The following FAM78B variants were observed in gnomAD, a reference collection of about 807,000 sequenced individuals.
FAM78B encodes protein FAM78B.
In FAM78B, 10 loss-of-function variants were observed where a neutral mutation model predicts 20.0. The ratio of observed to expected loss-of-function variants is 0.50; its 90% confidence interval spans 0.31 to 0.85. The LOEUF is 0.85. FAM78B is among the 40% of genes least tolerant of loss of function. FAM78B has a pLI of 0.05. For synonymous variants in FAM78B, 135 were observed against 132.8 expected (o/e 1.02, Z -0.12); for missense variants, 283 against 345.0 (o/e 0.82, Z 1.42).
chr1:166,139,482 G>A (rs546510415), intron 1 of FAM78B, among the ~76,000 whole-genome samples: 11 of 152,260 alleles, frequency 7.2e-5, no homozygotes, highest in Middle Eastern at 3.4e-3. Flanking sequence ...GGAGACACCC[G>A]AGACAATAAT....
At chr1:166,105,362 A>C (rs1653727463) in intron 1 of FAM78B, among the ~76,000 whole-genome samples, 1 of 152,012 alleles carries the variant, frequency 6.6e-6, no homozygotes, top group Non-Finnish European at 1.5e-5. Context: ...AATGGGATCT[A>C]ATTAAACTAA....
At chr1:166,058,242 G>A (rs1651427310) in exon 3 of FAM78B, 1 of 152,178 alleles carries the variant, frequency 6.6e-6, no homozygotes, top group African/African-American at 2.4e-5. Context: ...TGTCACCTGG[G>A]AAGGGTAACA....
intron 2 of FAM78B, among the ~76,000 whole-genome samples, chr1:166,061,429 G>T (rs1010248238): frequency 6.6e-6 from 1 of 151,926 alleles, no homozygotes; most frequent in African/African-American, 2.4e-5. Context: ...CAAATTTTAT[G>T]ATTATAAATT....
At chr1:166,153,732 G>C (rs1295712233) in intron 1 of FAM78B, among the ~76,000 whole-genome samples, 1 of 152,154 alleles carries the variant, frequency 6.6e-6, no homozygotes, top group Non-Finnish European at 1.5e-5. Flanking sequence ...CCTCATGACA[G>C]GAAGTGTGGA....
chr1:166,109,878 A>ATATG lies in FAM78B; in HGVS notation c.264-39119_264-39116dup, dbSNP rs1168083232. Among the ~76,000 whole-genome samples the ATATG allele has an allele frequency of 3.6e-4, 6 of 16,474 alleles. 1 individual carries two copies. The highest frequency in any genetic ancestry group is 1.3e-3 in the Admixed American group (2 of 1,588). 10.8% of individuals were successfully genotyped at this position (16,474 alleles called of 152,430 possible). ...TATATATATGTATGTGTATATATATATATGTATATATGTATATATATATAT... is the reference window on the plus strand; with the variant it reads ...TATATATATGTATGTGTATATATATATATGTATGTATATATGTATATATATATAT... On this transcript the variant is annotated intron_variant, in intron 1 of 1. Transcript: ENST00000354422.
chr1:166,122,164 G>A lies in FAM78B; in HGVS notation c.263+43822C>T, dbSNP rs527545383. On this transcript the variant is annotated intron_variant, in intron 1 of 1. Coordinates refer to ENST00000354422, the MANE Select transcript of FAM78B (RefSeq NM_001017961.5). Reference sequence around the variant, plus strand: ...TTTTTCCTTGCCTTAGCCAGGATAAGGAATGAAATCATCCCTAGGGGAGGA... The same window carrying A: ...TTTTTCCTTGCCTTAGCCAGGATAAAGAATGAAATCATCCCTAGGGGAGGA... 2.4e-4 allele frequency among the ~76,000 whole-genome samples: 37 copies of A among 152,312 alleles called. No individual in the cohort carries two copies. The South Asian group carries it at 2.7e-3, about 11-fold the overall frequency.
chr1:166,156,962 C>A (rs1237490614), intron 1 of FAM78B, among the ~76,000 whole-genome samples: 4 of 138,052 alleles, frequency 2.9e-5, no homozygotes, highest in East Asian at 4.2e-4. Context: ...GTCCTGGAGG[C>A]TTCCCAAAGT....
At chr1:166,068,765 T>A (rs1282053763), downstream of FAM78B, among the ~76,000 whole-genome samples, 1 of 152,116 alleles carries the variant, frequency 6.6e-6, no homozygotes, top group Non-Finnish European at 1.5e-5. Context: ...TTAGTTTGCA[T>A]GGAAGGGGGT....
chr1:166,082,222 T>A (rs1652611556), intron 1 of FAM78B, among the ~76,000 whole-genome samples: 1 of 152,160 alleles, frequency 6.6e-6, no homozygotes, highest in Non-Finnish European at 1.5e-5. Context: ...CCTCACCCCC[T>A]CCCTTCTGGC....
chr1:166,106,543 G>T (rs1267052726), intron 1 of FAM78B, among the ~76,000 whole-genome samples: 1 of 152,124 alleles, frequency 6.6e-6, no homozygotes, highest in African/African-American at 2.4e-5. Context: ...GATGCAGCTG[G>T]AGGTCATTGT....
At chr1:166,160,874 G>A (rs1258325256) in intron 1 of FAM78B, among the ~76,000 whole-genome samples, 3 of 152,208 alleles carry the variant, frequency 2.0e-5, no homozygotes, top group Non-Finnish European at 4.4e-5. Context: ...TATATTCTTA[G>A]TAATGGTAAC....
chr1:166,128,013 T>C (rs529265552), intron 1 of FAM78B, among the ~76,000 whole-genome samples: 5 of 152,264 alleles, frequency 3.3e-5, no homozygotes. Context: ...ACCTATGAAA[T>C]TGGCCTCAGT....
intron 1 of FAM78B, among the ~76,000 whole-genome samples, chr1:166,097,707 C>A (rs1380652058): frequency 2.6e-5 from 4 of 152,164 alleles, no homozygotes; most frequent in Admixed American, 1.3e-4. Flanking sequence ...TACCCCCATC[C>A]CCACAGCAGC....
intron 1 of FAM78B, chr1:166,082,582 TG>T (rs1241857367): frequency 6.6e-6 from 1 of 152,286 alleles, no homozygotes; most frequent in Non-Finnish European, 1.5e-5. Context: ...TTCAGTGTGC[TG>T]ATTTGCTTGT....
rs1360142174 is a variant in FAM78B, at chr1:166,166,135, C to T, written c.114G>A (p.Ser38=). 6.2e-7 allele frequency: 1 copy of T among 1,609,338 alleles called. No homozygotes were observed. The highest frequency in any genetic ancestry group is 8.5e-7 in the Non-Finnish European group (1 of 1,177,790). The change falls in exon 1 of 2, where the codon TCG becomes TCA. Residue 38 remains serine, a synonymous_variant. Coordinates refer to ENST00000354422, the MANE Select transcript of FAM78B (RefSeq NM_001017961.5). ...GGGTCTTGTAGCGCAGGACGATGGG[C>T]GAGGTCTCCTCGATGCGCGTGGGGC... is the stretch of plus-strand genomic sequence containing the variant. The part of the protein sequence containing the change: ...DQCPTRIEET[S]PIVLRYKTPY...
At chr1:166,059,032 C>T (rs561843833) in exon 3 of FAM78B, 1 of 152,704 alleles carries the variant, frequency 6.5e-6, no homozygotes, top group African/African-American at 2.4e-5. Flanking sequence ...CTTACATGGG[C>T]CATACCATCA....
chr1:166,085,644 C>T (rs1652799235), intron 1 of FAM78B, among the ~76,000 whole-genome samples: 1 of 152,226 alleles, frequency 6.6e-6, no homozygotes, highest in African/African-American at 2.4e-5. Flanking sequence ...GCACTATCAG[C>T]CCTTCTATCA....
At chr1:166,068,023 TA>T (rs1651865625), downstream of FAM78B, among the ~76,000 whole-genome samples, 2 of 152,236 alleles carry the variant, frequency 1.3e-5, no homozygotes, top group Admixed American at 1.3e-4. Flanking sequence ...TTTAATGCAC[TA>T]GGGGAATTTG....
intron 1 of FAM78B, among the ~76,000 whole-genome samples, chr1:166,118,449 G>T (rs1654341670): frequency 6.6e-6 from 1 of 152,134 alleles, no homozygotes; most frequent in Admixed American, 6.5e-5. Context: ...AATAGGTTTT[G>T]TCTTCATAAG....
Sources: allele counts gnomAD v4.1 joint callset (sites outside exome capture counted in the v4.1 genomes callset), GRCh38; gene constraint gnomAD v4.1.1; transcripts MANE v1.5; gene names NCBI Gene and HGNC (gene_info 2026-07-23, HGNC 2026-07-21).